Variants in ELMO1 observed in about 807,000 individuals in gnomAD.
The protein encoded by ELMO1 is engulfment and cell motility 1, also known as engulfment and cell motility protein 1.
Under a neutral mutation model 98.9 loss-of-function variants are expected in ELMO1, and 26 were observed. The observed-to-expected ratio is 0.26, with a 90% CI of 0.19 to 0.36. The LOEUF is 0.36. Ranked by LOEUF, ELMO1 falls within the 10% of genes least tolerant of loss-of-function variation. The probability of loss-of-function intolerance (pLI) is 1.00; values close to 1 mark genes in which losing one functional copy is unlikely to be tolerated. For synonymous variants in ELMO1, 346 were observed against 346.0 expected (o/e 1.00, Z 0.00); for missense variants, 627 against 935.2 (o/e 0.67, Z 4.30).
At chr7:36,941,675 C>T (rs1266262424) in intron 16 of ELMO1, among the ~76,000 whole-genome samples, 1 of 152,178 alleles carries the variant, frequency 6.6e-6, no homozygotes, top group Non-Finnish European at 1.5e-5. Flanking sequence ...GAATAGAATG[C>T]CAAACCTAAT....
intron 1 of ELMO1, among the ~76,000 whole-genome samples, chr7:37,398,848 A>G (rs558070449): frequency 1.3e-5 from 2 of 152,326 alleles, no homozygotes; most frequent in Admixed American, 6.5e-5. Flanking sequence ...TTCGCCCCCA[A>G]GAAGCACAGG....
chr7:37,311,243 A>C (rs180737100), intron 4 of ELMO1, among the ~76,000 whole-genome samples: 1 of 152,322 alleles, frequency 6.6e-6, no homozygotes, highest in East Asian at 1.9e-4. Context: ...AAAAGCAGGG[A>C]AAGTGCCTTC....
intron 1 of ELMO1, among the ~76,000 whole-genome samples, chr7:37,356,061 A>C (rs1235462045): frequency 6.6e-6 from 1 of 152,192 alleles, no homozygotes; most frequent in African/African-American, 2.4e-5. Flanking sequence ...GAACTAAAGA[A>C]GACTGGAAGG....
intron 16 of ELMO1, among the ~76,000 whole-genome samples, chr7:36,968,895 T>C (rs1176127488): frequency 6.6e-6 from 1 of 152,156 alleles, no homozygotes; most frequent in Admixed American, 6.5e-5. Flanking sequence ...GCTACAAATA[T>C]ACTATTTGAG....
At chr7:37,434,069 T>A (rs879400622) in intron 1 of ELMO1, among the ~76,000 whole-genome samples, 3 of 151,816 alleles carry the variant, frequency 2.0e-5, no homozygotes, top group Admixed American at 6.6e-5. Flanking sequence ...AGAAAATAAA[T>A]GAAAAAAGTA....
At chr7:37,328,383 C>CA (rs10669717) in intron 2 of ELMO1, among the ~76,000 whole-genome samples, 8,090 of 64,338 alleles carry the variant, frequency 0.13, 866 homozygotes, top group African/African-American at 0.14. Context: ...GACCCTGCCA[C>CA]AAAAAAAAAA....
At chr7:37,187,315 T>C (rs980794828) in intron 13 of ELMO1, among the ~76,000 whole-genome samples, 1 of 152,076 alleles carries the variant, frequency 6.6e-6, no homozygotes, top group Non-Finnish European at 1.5e-5. Flanking sequence ...GACGAACAGA[T>C]TGGGGTGACA....
intron 15 of ELMO1, among the ~76,000 whole-genome samples, chr7:37,042,512 A>G (rs1229465981): frequency 6.6e-6 from 1 of 152,200 alleles, no homozygotes; most frequent in Non-Finnish European, 1.5e-5. Flanking sequence ...GAGTGATGCC[A>G]CAGTTACAGC....
At chr7:36,980,531 G>T (rs1469867642) in intron 16 of ELMO1, among the ~76,000 whole-genome samples, 1 of 152,184 alleles carries the variant, frequency 6.6e-6, no homozygotes, top group East Asian at 1.9e-4. Context: ...GCAAAACTTA[G>T]ATGCTAAGCT....
chr7:37,386,302 G>C (rs1334631572), intron 1 of ELMO1, among the ~76,000 whole-genome samples: 1 of 151,946 alleles, frequency 6.6e-6, no homozygotes, highest in Admixed American at 6.6e-5. Context: ...GACTAGGTTT[G>C]GAAAATGGGC....
intron 15 of ELMO1, among the ~76,000 whole-genome samples, chr7:37,042,581 A>G (rs1795581896): frequency 6.6e-6 from 1 of 152,180 alleles, no homozygotes; most frequent in African/African-American, 2.4e-5. Context: ...ATATGTATGG[A>G]AAAGATGCAG....
At chr7:36,985,889 G>A (rs909456345) in intron 16 of ELMO1, 4 of 997,806 alleles carry the variant, frequency 4.0e-6, no homozygotes, top group African/African-American at 1.7e-5. Context: ...TGATAATACC[G>A]GTGGACACAT....
At chr7:37,023,101 G>T (rs964084942) in intron 15 of ELMO1, among the ~76,000 whole-genome samples, 7 of 152,194 alleles carry the variant, frequency 4.6e-5, no homozygotes, top group African/African-American at 1.7e-4. Flanking sequence ...TCTTTTGGAA[G>T]AGAGAAGAAA....
chr7:37,280,609 C>G (rs1797084567), intron 4 of ELMO1, among the ~76,000 whole-genome samples: 1 of 152,084 alleles, frequency 6.6e-6, no homozygotes, highest in Non-Finnish European at 1.5e-5. Context: ...TGCTCAACAT[C>G]CCTAATGATC....
At chr7:36,966,282 C>T (rs1337302134) in intron 16 of ELMO1, among the ~76,000 whole-genome samples, 3 of 152,154 alleles carry the variant, frequency 2.0e-5, no homozygotes, top group East Asian at 1.9e-4. Context: ...ATACCTTGGC[C>T]GTATTCCCAT....
At chr7:36,866,993 C>T (rs972873796) in intron 20 of ELMO1, among the ~76,000 whole-genome samples, 1 of 152,140 alleles carries the variant, frequency 6.6e-6, no homozygotes, top group African/African-American at 2.4e-5. Flanking sequence ...ACACTAGTAA[C>T]ATTGCAAGAC....
At chr7:37,325,888 G>A (rs1799772639) in intron 2 of ELMO1, among the ~76,000 whole-genome samples, 1 of 152,104 alleles carries the variant, frequency 6.6e-6, no homozygotes, top group African/African-American at 2.4e-5. Context: ...AAGCCATCTA[G>A]CTCCCAGAGG....
intron 14 of ELMO1, among the ~76,000 whole-genome samples, chr7:37,102,418 T>TA (rs1784692974): frequency 6.6e-6 from 1 of 152,122 alleles, no homozygotes; most frequent in African/African-American, 2.4e-5. Context: ...AGAAGAACAT[T>TA]AAAATTATAG....
chr7:37,201,417 C>A (rs925949472), intron 13 of ELMO1, among the ~76,000 whole-genome samples: 2 of 152,158 alleles, frequency 1.3e-5, no homozygotes, highest in African/African-American at 2.4e-5. Flanking sequence ...AAATTGCTTG[C>A]CCTACTTAAA....
Sources: gnomAD v4.1 joint callset for allele counts (sites outside exome capture counted in the v4.1 genomes callset) on GRCh38, gnomAD v4.1.1 for gene constraint, MANE v1.5 for transcripts, NCBI Gene and HGNC (gene_info 2026-07-23, HGNC 2026-07-21) for gene names.